CWF19L2: variants seen among roughly 807,000 people sequenced by gnomAD.
CWF19L2 encodes the protein CWF19-like protein 2.
A neutral mutation model predicts 111.7 loss-of-function variants in CWF19L2; 98 were observed. The observed-to-expected ratio is 0.88, with a 90% confidence interval of 0.75 to 1.04. The LOEUF (loss-of-function observed/expected upper bound fraction) is 1.04, where lower values mean the gene tolerates loss of function less well. CWF19L2 is among the 50% of genes least tolerant of loss of function. The pLI, the probability that CWF19L2 is intolerant of heterozygous loss-of-function variation, is 0.00. For synonymous variants in CWF19L2, 351 were observed against 342.9 expected (o/e 1.02, Z -0.26); for missense variants, 1,101 against 1,051.4 (o/e 1.05, Z -0.65).
intron 12 of CWF19L2, among the ~76,000 whole-genome samples, chr11:107,380,881 C>T (rs1173422932): frequency 7.9e-5 from 12 of 152,054 alleles, no homozygotes; most frequent in Non-Finnish European, 1.3e-4. Context: ...AGTTATTCAG[C>T]CTTAAAAAGC....
At chr11:107,441,833 C>T (rs1252475645) in intron 4 of CWF19L2, among the ~76,000 whole-genome samples, 1 of 152,168 alleles carries the variant, frequency 6.6e-6, no homozygotes, top group Non-Finnish European at 1.5e-5. Flanking sequence ...AAAATCCCTA[C>T]CTTTCAGGAT....
chr11:107,407,946 C>A (rs950364687), intron 10 of CWF19L2, among the ~76,000 whole-genome samples: 6 of 151,984 alleles, frequency 3.9e-5, no homozygotes, highest in Non-Finnish European at 8.8e-5. Flanking sequence ...CAGGTCAACA[C>A]TCCCAGCTAG....
At chr11:107,402,882 T>TATATAC (rs1330821686) in intron 10 of CWF19L2, among the ~76,000 whole-genome samples, 1 of 59,326 alleles carries the variant, frequency 1.7e-5, no homozygotes, top group Non-Finnish European at 3.5e-5. Flanking sequence ...TGTATATATA[T>TATATAC]ATATATATAT....
At chr11:107,387,198 C>T (rs1032891017) in intron 12 of CWF19L2, among the ~76,000 whole-genome samples, 9 of 152,080 alleles carry the variant, frequency 5.9e-5, no homozygotes, top group African/African-American at 1.9e-4. Flanking sequence ...TTTCCCACTC[C>T]CCCAAAATTT....
chr11:107,330,029 CA>C lies in CWF19L2; in HGVS notation c.2440-11del, dbSNP rs1352976770. ...GTAACCCTCTGGGTACCTAAATAAA[CA>C]GACAAATCACAAATGGAATACAGTA... On this transcript the variant is annotated splice_polypyrimidine_tract_variant and intron_variant, in intron 16 of 17. Coordinates refer to ENST00000282251, the MANE Select transcript of CWF19L2 (RefSeq NM_152434.3). 6.6e-7 allele frequency: 1 copy of C among 1,506,216 alleles called. No homozygotes were observed. The highest frequency in any genetic ancestry group is 9.0e-7 in the Non-Finnish European group (1 of 1,114,892). The allele number at this position is 1,506,216 out of a possible 1,614,324, so 93.3% of individuals were successfully genotyped here. A position where few individuals can be genotyped will look rare whatever the true frequency, so the allele number is the denominator to read the frequency against.
At position 107,404,705 on chromosome 11, in the gene CWF19L2, C is replaced by T. The variant is rs1028778182; in HGVS notation, c.1617+11504G>A. ...TCCAGACCAAAGACCAAGCTGTATA[C>T]TGTTTTGTATTGATAGGACCTAGCA... On this transcript the variant is annotated intron_variant, in intron 10 of 17. Transcript: ENST00000282251. 3.4e-5 allele frequency: 13 copies of T among 381,012 alleles called. 1 individual carries two copies. Among genetic ancestry groups the T allele is most frequent in the Middle Eastern group, 1.7e-3 (2 of 1,172 alleles). 23.6% of individuals were successfully genotyped at this position (381,012 alleles called of 1,614,324 possible).
chr11:107,335,578 A>G (rs527750536), intron 15 of CWF19L2, among the ~76,000 whole-genome samples: 2 of 152,342 alleles, frequency 1.3e-5, no homozygotes, highest in African/African-American at 4.8e-5. Context: ...CAGAATTTAT[A>G]TAACTATAAT....
At chr11:107,340,139 T>C (rs1859985665) in intron 14 of CWF19L2, among the ~76,000 whole-genome samples, 1 of 152,226 alleles carries the variant, frequency 6.6e-6, no homozygotes, top group African/African-American at 2.4e-5. Context: ...CAAAAGTTTT[T>C]AATTTGACAA....
chr11:107,412,724 T>C (rs1223114730), intron 10 of CWF19L2, among the ~76,000 whole-genome samples: 2 of 152,180 alleles, frequency 1.3e-5, no homozygotes, highest in African/African-American at 2.4e-5. Context: ...CTGCAAAAAC[T>C]TGGATGCACC....
intron 9 of CWF19L2, among the ~76,000 whole-genome samples, chr11:107,416,721 C>T (rs1861231614): frequency 6.6e-6 from 1 of 152,108 alleles, no homozygotes; most frequent in South Asian, 2.1e-4. Flanking sequence ...TTCATTTTTA[C>T]TCTAGGAAAC....
chr11:107,326,508 T>A lies in CWF19L2; in HGVS notation c.*402A>T, dbSNP rs989668673. The stretch of plus-strand genomic sequence containing the variant: ...AATTAAAATTAAATCGTCTTATTTT[T>A]AAAAATGCAAAAGAAGCCAGACAGT... On this transcript the variant is annotated 3_prime_UTR_variant, in exon 18 of 18. Coordinates refer to ENST00000282251, the MANE Select transcript of CWF19L2 (RefSeq NM_152434.3). 1 of 156,112 alleles carries A rather than the reference T, an allele frequency of 6.4e-6. No homozygotes were observed. Among genetic ancestry groups the A allele is most frequent in the African/African-American group, 2.4e-5 (1 of 41,636 alleles). 9.7% of individuals were successfully genotyped at this position (156,112 alleles called of 1,614,324 possible).
chr11:107,335,103 G>T, intron 15 of CWF19L2, 142 bp from the exon 16 acceptor site: 1 of 501,028 alleles, frequency 2.0e-6, no homozygotes, highest in South Asian at 3.8e-5. Context: ...AAGGCTTTTA[G>T]TTATTTAAAA....
intron 3 of CWF19L2, among the ~76,000 whole-genome samples, chr11:107,445,604 T>TA (rs11456432): frequency 0.62 from 89,478 of 143,644 alleles, 28,694 homozygotes; most frequent in South Asian, 0.84. Flanking sequence ...AACTCCGCCT[T>TA]AAAAAAAAAA....
chr11:107,420,100 G>C (rs1861282837), intron 8 of CWF19L2, among the ~76,000 whole-genome samples: 1 of 151,608 alleles, frequency 6.6e-6, no homozygotes, highest in Admixed American at 6.6e-5. Context: ...AAACAAGTAA[G>C]AAAAAGAGGA....
At chr11:107,403,404 C>A (rs1317794748) in intron 10 of CWF19L2, 5 of 755,754 alleles carry the variant, frequency 6.6e-6, no homozygotes, top group Admixed American at 1.8e-5. Flanking sequence ...AACACTTATT[C>A]TTTTTTCTCA....
intron 7 of CWF19L2, among the ~76,000 whole-genome samples, chr11:107,431,217 A>G (rs1477338885): frequency 6.6e-6 from 1 of 151,950 alleles, no homozygotes; most frequent in Non-Finnish European, 1.5e-5. Context: ...CAGAGAGGAA[A>G]AAAACAAAAT....
At chr11:107,344,479 A>T (rs1860049344) in intron 14 of CWF19L2, among the ~76,000 whole-genome samples, 1 of 152,220 alleles carries the variant, frequency 6.6e-6, no homozygotes, top group African/African-American at 2.4e-5. Flanking sequence ...TTCCTGAAGG[A>T]TATTTTCACT....
At chr11:107,407,758 A>G (rs1861100999) in intron 10 of CWF19L2, among the ~76,000 whole-genome samples, 1 of 152,062 alleles carries the variant, frequency 6.6e-6, no homozygotes, top group Admixed American at 6.6e-5. Context: ...GATCATTAAT[A>G]AATATATAAT....
intron 11 of CWF19L2, among the ~76,000 whole-genome samples, chr11:107,392,414 C>T (rs1360435654): frequency 2.6e-5 from 4 of 152,106 alleles, no homozygotes; most frequent in Non-Finnish European, 5.9e-5. Context: ...TACCCCATCA[C>T]CAGGTCTCAA....
Sources: gnomAD v4.1 joint callset for allele counts (sites outside exome capture counted in the v4.1 genomes callset) on GRCh38, gnomAD v4.1.1 for gene constraint, MANE v1.5 for transcripts, NCBI Gene and HGNC (gene_info 2026-07-23, HGNC 2026-07-21) for gene names.